CNIH3: variants seen among roughly 807,000 people sequenced by gnomAD.
The protein encoded by CNIH3 is protein cornichon homolog 3.
Under a neutral mutation model 24.1 loss-of-function variants are expected in CNIH3, and 14 were observed. The observed-to-expected ratio is 0.58, with a 90% CI of 0.38 to 0.91. The LOEUF (loss-of-function observed/expected upper bound fraction) is 0.91. Among genes scored for constraint, CNIH3 ranks in the 40% least tolerant of loss-of-function variants. CNIH3 has a pLI of 0.00. For missense variants in CNIH3, 178 were observed against 196.8 expected (o/e 0.90, Z 0.57); for synonymous variants, 68 against 73.8 (o/e 0.92, Z 0.40).
At chr1:224,445,222 A>G (rs1372821428) in intron 1 of CNIH3, among the ~76,000 whole-genome samples, 2 of 151,918 alleles carry the variant, frequency 1.3e-5, no homozygotes, top group African/African-American at 4.8e-5. Context: ...TGCTATTTGG[A>G]TGTTTTCTTT....
chr1:224,612,519 G>A (rs1464895100), upstream of CNIH3, among the ~76,000 whole-genome samples: 3 of 152,170 alleles, frequency 2.0e-5, no homozygotes, highest in Non-Finnish European at 4.4e-5. This position sits in a 1 kb window ranked among gnomAD's most constrained non-coding sequence, Gnocchi z 4.7. Flanking sequence ...AGCTCCATGT[G>A]AGTAAGGCTG....
intron 1 of CNIH3, among the ~76,000 whole-genome samples, chr1:224,505,254 A>G (rs1319900938): frequency 6.6e-6 from 1 of 151,490 alleles, no homozygotes; most frequent in Non-Finnish European, 1.5e-5. Context: ...AGCTGTGTTC[A>G]TGCCACTGCA....
At chr1:224,449,264 A>G (rs1482388922) in intron 1 of CNIH3, among the ~76,000 whole-genome samples, 1 of 152,052 alleles carries the variant, frequency 6.6e-6, no homozygotes, top group African/African-American at 2.4e-5. Flanking sequence ...GCACCCGGCC[A>G]GAAACTGGGA....
intron 1 of CNIH3, among the ~76,000 whole-genome samples, chr1:224,629,191 TAGAG>T (rs1683696187): frequency 6.6e-6 from 1 of 151,986 alleles, no homozygotes; most frequent in African/African-American, 2.4e-5. Context: ...GTATTTTTAA[TAGAG>T]ACAGGGTTTC....
At chr1:224,462,363 T>G (rs1419507805) in intron 1 of CNIH3, among the ~76,000 whole-genome samples, 1 of 152,206 alleles carries the variant, frequency 6.6e-6, no homozygotes, top group Admixed American at 6.5e-5. Flanking sequence ...TGAAACAGTC[T>G]TGCCCTGTCA....
chr1:224,627,043 G>A (rs1392254390), intron 1 of CNIH3, among the ~76,000 whole-genome samples: 1 of 152,136 alleles, frequency 6.6e-6, no homozygotes, highest in South Asian at 2.1e-4. Context: ...AGTGAAGCAG[G>A]GGTGGATGGA....
intron 1 of CNIH3, among the ~76,000 whole-genome samples, chr1:224,516,594 G>T (rs961671020): frequency 6.6e-6 from 1 of 152,230 alleles, no homozygotes; most frequent in Non-Finnish European, 1.5e-5. Context: ...TGCCTTTGGG[G>T]TTGGGCCTTT....
At chr1:224,675,762 C>G (rs897969465) in intron 1 of CNIH3, among the ~76,000 whole-genome samples, 2 of 152,182 alleles carry the variant, frequency 1.3e-5, no homozygotes, top group African/African-American at 4.8e-5. Context: ...CAAATTACAG[C>G]TGTAATGATA....
In CNIH3 at chr1:224,449,644, C is replaced by G. The variant is rs894977686; in HGVS notation, n.203+14782C>G. Among the ~76,000 whole-genome samples, 5 of 152,106 alleles carry G rather than the reference C, an allele frequency of 3.3e-5. No individual in the cohort carries two copies. The South Asian group carries it at 1.0e-3, about 31-fold the overall frequency. The stretch of plus-strand genomic sequence containing the variant: ...CTGAGCTGGGACTACAGGCACACAC[C>G]ACCACCCCCGGCTACAAAATTTTCT... On this transcript the variant is annotated intron_variant and non_coding_transcript_variant, in intron 1 of 5. Transcript: ENST00000471578.
downstream of CNIH3, among the ~76,000 whole-genome samples, chr1:224,591,412 C>T (rs926146937): frequency 6.6e-6 from 1 of 152,198 alleles, no homozygotes. Flanking sequence ...TACTCAACTT[C>T]TCTATGTACC....
At chr1:224,666,568 T>C (rs1344017800) in intron 1 of CNIH3, among the ~76,000 whole-genome samples, 2 of 152,154 alleles carry the variant, frequency 1.3e-5, no homozygotes, top group African/African-American at 4.8e-5. Flanking sequence ...TAGGAGCCCA[T>C]GGAGGTTTTT....
chr1:224,690,901 C>T (rs1387154832), intron 3 of CNIH3, among the ~76,000 whole-genome samples: 1 of 152,102 alleles, frequency 6.6e-6, no homozygotes, highest in African/African-American at 2.4e-5. Flanking sequence ...CTAATGGGCA[C>T]CTGTGTCGGT....
At chr1:224,459,602 C>G (rs1331129389) in intron 1 of CNIH3, among the ~76,000 whole-genome samples, 1 of 152,106 alleles carries the variant, frequency 6.6e-6, no homozygotes, top group Non-Finnish European at 1.5e-5. Flanking sequence ...AATTTGAAGT[C>G]TTTCCCAGGG....
chr1:224,530,884 C>T (rs1679039049), intron 2 of CNIH3, among the ~76,000 whole-genome samples: 1 of 152,196 alleles, frequency 6.6e-6, no homozygotes, highest in South Asian at 2.1e-4. Flanking sequence ...AGGCGTGAGC[C>T]ACTGTGTGGC....
At chr1:224,632,405 A>G (rs1683866726) in intron 1 of CNIH3, among the ~76,000 whole-genome samples, 1 of 152,148 alleles carries the variant, frequency 6.6e-6, no homozygotes, top group African/African-American at 2.4e-5. Flanking sequence ...GGGAATTGGT[A>G]CAGGCCACAT....
intron 1 of CNIH3, chr1:224,661,429 A>T: frequency 4.2e-6 from 1 of 236,642 alleles, no homozygotes; most frequent in Middle Eastern, 1.7e-3. Context: ...CAAAAGAAGA[A>T]AATCCACTTC....
intron 1 of CNIH3, among the ~76,000 whole-genome samples, chr1:224,507,126 C>T (rs1340132691): frequency 6.6e-6 from 1 of 152,232 alleles, no homozygotes; most frequent in Non-Finnish European, 1.5e-5. Context: ...CAGCTTCTCA[C>T]AGTGCTGGGA....
intron 1 of CNIH3, among the ~76,000 whole-genome samples, chr1:224,669,305 T>G (rs1437274794): frequency 2.6e-5 from 4 of 152,216 alleles, no homozygotes; most frequent in Non-Finnish European, 5.9e-5. Context: ...TGGCACACGA[T>G]GGCAAATAAG....
intron 1 of CNIH3, among the ~76,000 whole-genome samples, chr1:224,445,436 C>T (rs866030194): frequency 6.6e-5 from 10 of 151,806 alleles, no homozygotes; most frequent in South Asian, 2.1e-4. Flanking sequence ...ATTAGCCGGG[C>T]GTGGTGGCGC....
Sources: allele counts gnomAD v4.1 joint callset (sites outside exome capture counted in the v4.1 genomes callset), GRCh38; gene constraint gnomAD v4.1.1; non-coding constraint Gnocchi (gnomAD v3.1); transcripts MANE v1.5; gene names NCBI Gene and HGNC (gene_info 2026-07-23, HGNC 2026-07-21).